The following GRM8 variants were observed in gnomAD, a reference collection of about 807,000 sequenced individuals.
GRM8 encodes the protein metabotropic glutamate receptor 8.
A neutral mutation model predicts 87.2 loss-of-function variants in GRM8; 47 were observed. That is an observed-to-expected ratio of 0.54 (90% CI 0.43 to 0.69). The LOEUF is 0.69. Ranked by LOEUF, GRM8 falls within the 30% of genes least tolerant of loss-of-function variation. GRM8 has a pLI of 0.00. For synonymous variants in GRM8, 396 were observed against 404.5 expected, an observed-to-expected ratio of 0.98 and a Z score of 0.25; for missense variants, 1,019 against 1,139.2, an observed-to-expected ratio of 0.89 and a Z score of 1.52.
At chr7:126,519,446 AC>A (rs1030220968) in intron 9 of GRM8, among the ~76,000 whole-genome samples, 1 of 152,122 alleles carries the variant, frequency 6.6e-6, no homozygotes, top group Non-Finnish European at 1.5e-5. Flanking sequence ...AATTAATTTT[AC>A]TTTAAGAACC....
chr7:127,171,431 C>T (rs997117340), intron 2 of GRM8, among the ~76,000 whole-genome samples: 1 of 152,188 alleles, frequency 6.6e-6, no homozygotes, highest in African/African-American at 2.4e-5. Flanking sequence ...AACAGCAAAG[C>T]ATGCTACAGA....
At chr7:126,486,382 G>C (rs540804326) in intron 9 of GRM8, among the ~76,000 whole-genome samples, 2 of 151,936 alleles carry the variant, frequency 1.3e-5, no homozygotes, top group Non-Finnish European at 2.9e-5. Flanking sequence ...GACTCCCTTT[G>C]TGAATATCCA....
chr7:126,745,665 T>C (rs1472889804), intron 7 of GRM8, among the ~76,000 whole-genome samples: 1 of 151,764 alleles, frequency 6.6e-6, no homozygotes, highest in Non-Finnish European at 1.5e-5. Context: ...TTTGTGATGA[T>C]AAATCACAGC....
chr7:127,197,473 C>A (rs1795347554), intron 2 of GRM8, among the ~76,000 whole-genome samples: 1 of 152,084 alleles, frequency 6.6e-6, no homozygotes, highest in Non-Finnish European at 1.5e-5. Context: ...AGAAACAATA[C>A]TTTTTTCCTA....
chr7:126,942,396 A>G (rs1366522684), intron 3 of GRM8, among the ~76,000 whole-genome samples: 1 of 152,160 alleles, frequency 6.6e-6, no homozygotes, highest in African/African-American at 2.4e-5. Flanking sequence ...GGCTGAGCCC[A>G]TATTGCCAAT....
At chr7:127,188,327 G>A (rs988824764) in intron 2 of GRM8, among the ~76,000 whole-genome samples, 2 of 152,228 alleles carry the variant, frequency 1.3e-5, no homozygotes, top group African/African-American at 4.8e-5. Flanking sequence ...ACAGTGAAAA[G>A]TTCTTAAAGA....
chr7:126,880,058 C>T (rs1350757395), intron 6 of GRM8, among the ~76,000 whole-genome samples: 1 of 152,186 alleles, frequency 6.6e-6, no homozygotes, highest in Non-Finnish European at 1.5e-5. Context: ...CATGCCAAAG[C>T]CTATGACCTT....
At chr7:127,132,281 G>A (rs1221010159) in intron 2 of GRM8, among the ~76,000 whole-genome samples, 1 of 152,216 alleles carries the variant, frequency 6.6e-6, no homozygotes, top group Non-Finnish European at 1.5e-5. Flanking sequence ...AACAGAAAAT[G>A]CTTTCCCCTC....
chr7:127,027,518 TG>T lies in GRM8; in HGVS notation c.727+78977del, dbSNP rs547221959. Among the ~76,000 whole-genome samples, 8 of 152,296 alleles carry T rather than the reference TG, an allele frequency of 5.3e-5. No homozygotes were observed. The East Asian group carries it at 1.5e-3, about 29-fold the overall frequency. Reference sequence around the variant, plus strand: ...TGTTCTCTTTTACTTCATCGATCAGTGGTTTGTAATTCTCCTTGAAGAAGTC... The same window carrying T: ...TGTTCTCTTTTACTTCATCGATCAGTGTTTGTAATTCTCCTTGAAGAAGTC... On this transcript the variant is annotated intron_variant, in intron 3 of 10. Transcript: ENST00000339582.
intron 6 of GRM8, among the ~76,000 whole-genome samples, chr7:126,881,354 G>A (rs1800003900): frequency 6.6e-6 from 1 of 152,168 alleles, no homozygotes; most frequent in Non-Finnish European, 1.5e-5. Context: ...ACAGGGTGAA[G>A]GGAGTTATAT....
At position 126,533,586 on chromosome 7, in the gene GRM8, G is replaced by A. The variant is rs777774234; in HGVS notation, c.1796C>T (p.Thr599Ile). 153 of 1,613,946 alleles carry A rather than the reference G, an allele frequency of 9.5e-5. No individual in the cohort carries two copies. Among genetic ancestry groups the A allele is most frequent in the Non-Finnish European group, 1.2e-4 (142 of 1,180,008 alleles). The change falls in exon 9 of 11, where the codon ACC becomes ATC. Residue 599 changes from threonine (T) to isoleucine (I), a missense_variant. Physicochemically the swap from Thr to Ile is moderately conservative, Grantham distance 89. Coordinates refer to ENST00000339582, the MANE Select transcript of GRM8 (RefSeq NM_000845.3). ...GCGGACAAAGGTCACGATCACAAAG[G>A]TGGTGGCGATGATTCCCAATATTGC... is the stretch of plus-strand genomic sequence containing the variant. ...FVAILGIIATTFVIVTFVRYN... is the reference protein window; with the variant it reads ...FVAILGIIATIFVIVTFVRYN...
At chr7:126,907,556 G>A (rs1399824736) in intron 3 of GRM8, among the ~76,000 whole-genome samples, 1 of 152,044 alleles carries the variant, frequency 6.6e-6, no homozygotes, top group Non-Finnish European at 1.5e-5. Context: ...GAATGAGGGT[G>A]AGAGGAGTGG....
chr7:126,493,135 A>G (rs749509567), intron 9 of GRM8, among the ~76,000 whole-genome samples: 3 of 152,062 alleles, frequency 2.0e-5, no homozygotes, highest in Non-Finnish European at 4.4e-5. Flanking sequence ...CTGCTCCACT[A>G]TGGAATCCCC....
intron 3 of GRM8, among the ~76,000 whole-genome samples, chr7:127,036,235 G>A (rs1228557555): frequency 6.6e-6 from 1 of 152,130 alleles, no homozygotes; most frequent in Non-Finnish European, 1.5e-5. Context: ...GTATAGAGGA[G>A]CTAAGGAATC....
intron 3 of GRM8, among the ~76,000 whole-genome samples, chr7:126,924,335 CTT>C (rs1194797735): frequency 6.6e-6 from 1 of 152,204 alleles, no homozygotes; most frequent in Non-Finnish European, 1.5e-5. Context: ...TCAAACATCA[CTT>C]GGGCATAAAC....
At chr7:127,124,295 A>T (rs1422451663) in intron 2 of GRM8, among the ~76,000 whole-genome samples, 1 of 152,146 alleles carries the variant, frequency 6.6e-6, no homozygotes, top group Non-Finnish European at 1.5e-5. Context: ...TCTAAGCAAG[A>T]TCATAAAACT....
intron 8 of GRM8, among the ~76,000 whole-genome samples, chr7:126,580,568 AT>A (rs1186370717): frequency 1.3e-5 from 2 of 152,066 alleles, no homozygotes; most frequent in Non-Finnish European, 2.9e-5. Context: ...CCTGATTTCC[AT>A]TTATCGGTAT....
At chr7:127,114,852 G>C (rs186773586) in intron 2 of GRM8, among the ~76,000 whole-genome samples, 17 of 152,124 alleles carry the variant, frequency 1.1e-4, no homozygotes, top group Non-Finnish European at 1.9e-4. Context: ...TATTGTATGA[G>C]TCATAGAGGG....
chr7:126,524,335 C>T (rs1018539060), intron 9 of GRM8, among the ~76,000 whole-genome samples: 1 of 152,098 alleles, frequency 6.6e-6, no homozygotes, highest in African/African-American at 2.4e-5. Flanking sequence ...GTTTGGTTGG[C>T]TATAGAATTT....
Sources: gnomAD v4.1 joint callset for allele counts (sites outside exome capture counted in the v4.1 genomes callset) on GRCh38, gnomAD v4.1.1 for gene constraint, MANE v1.5 for transcripts, NCBI Gene and HGNC (gene_info 2026-07-23, HGNC 2026-07-21) for gene names.